TUBGCP3: variants seen among roughly 807,000 people sequenced by gnomAD.
The protein encoded by TUBGCP3 is gamma-tubulin complex component 3.
TUBGCP3 carries 50 observed loss-of-function variants against 123.1 expected under a neutral mutation model. The ratio of observed to expected loss-of-function variants is 0.41; its 90% CI spans 0.32 to 0.51. The LOEUF (loss-of-function observed/expected upper bound fraction) is 0.51. Ranked by LOEUF, TUBGCP3 falls within the 20% of genes least tolerant of loss-of-function variation. The probability of loss-of-function intolerance (pLI) is 0.36; values close to 1 mark genes in which losing one functional copy is unlikely to be tolerated. For missense variants in TUBGCP3, 882 were observed against 1,127.0 expected (o/e 0.78, Z 3.11); for synonymous variants, 405 against 413.9 (o/e 0.98, Z 0.26).
At chr13:112,543,989 A>G (rs1029788114) in intron 11 of TUBGCP3, among the ~76,000 whole-genome samples, 2 of 152,116 alleles carry the variant, frequency 1.3e-5, no homozygotes, top group African/African-American at 2.4e-5. Flanking sequence ...GCAAATAAAC[A>G]CCCCAGTGAG....
intron 1 of TUBGCP3, among the ~76,000 whole-genome samples, chr13:112,573,751 C>T (rs55653852): frequency 0.099 from 15,098 of 152,246 alleles, 971 homozygotes; most frequent in African/African-American, 0.18. Context: ...GCCTGTCTGC[C>T]CAACTTCTAT....
intron 13 of TUBGCP3, among the ~76,000 whole-genome samples, chr13:112,523,137 A>G (rs1876761228): frequency 6.6e-6 from 1 of 152,262 alleles, no homozygotes. Context: ...TTACATCTGC[A>G]AAGCACAAAA....
chr13:112,550,862 G>A (rs1257560609), intron 8 of TUBGCP3, among the ~76,000 whole-genome samples: 1 of 152,202 alleles, frequency 6.6e-6, no homozygotes, highest in Non-Finnish European at 1.5e-5. Context: ...ACTTTGGGAG[G>A]CCAAGGCGGG....
intron 3 of TUBGCP3, among the ~76,000 whole-genome samples, chr13:112,562,105 C>CTAGGGAACACCACCAGCCAGGACCCAA (rs1419075286): frequency 1.3e-5 from 2 of 150,800 alleles, no homozygotes; most frequent in East Asian, 2.0e-4. Context: ...CCAGGACCCA[C>CTAGGGAACACCACCAGCCAGGACCCAA]TAGGGAACAC....
chr13:112,586,162 C>T (rs913849116), intron 1 of TUBGCP3, among the ~76,000 whole-genome samples: 1 of 151,614 alleles, frequency 6.6e-6, no homozygotes, highest in African/African-American at 2.4e-5. Flanking sequence ...TGGCATGAAC[C>T]CGGAAGGTAG....
At position 112,545,783 on chromosome 13, in the gene TUBGCP3, G is replaced by A; in HGVS notation, c.1251C>T (p.His417=). ...CAGGATGAGACACGAGGCTGAGGAT[G>A]TGCTGCACCAGAGACCGCATGTACG... ...GDPYMRSLVQ[H]ILSLVSHPVL... Residue 417 remains histidine, a synonymous_variant, in exon 11 of 22, where the codon CAC becomes CAT. Transcript: ENST00000261965. This position sits in a 1 kb window ranked among gnomAD's most constrained non-coding sequence, Gnocchi z 4.1. The A allele has an allele frequency of 3.7e-6, 6 of 1,614,194 alleles. No homozygotes were observed. The highest frequency in any genetic ancestry group is 5.1e-6 in the Non-Finnish European group (6 of 1,180,032).
At chr13:112,604,078 A>G in the TUBGCP3 span, 7 of 152,190 alleles carry the variant, frequency 4.6e-5, no homozygotes, top group Non-Finnish European at 1.0e-4. Flanking sequence ...GTTAATGGTG[A>G]ACTCATAGAA....
At chr13:112,587,860 C>T (rs1201706444) in intron 1 of TUBGCP3, 45 bp downstream of exon 1, 2 of 1,524,580 alleles carry the variant, frequency 1.3e-6, no homozygotes, top group Admixed American at 3.8e-5. Context: ...CAGGGAGCAG[C>T]CCCCGGGACG....
intron 11 of TUBGCP3, among the ~76,000 whole-genome samples, chr13:112,528,729 T>A (rs917240384): frequency 6.6e-6 from 1 of 152,232 alleles, no homozygotes; most frequent in African/African-American, 2.4e-5. Flanking sequence ...TAGATAAATG[T>A]CAGTCTTCCT....
In TUBGCP3 at chr13:112,519,152, C is replaced by A; in HGVS notation, c.1882-109G>T. On this transcript the variant is annotated intron_variant, in intron 15 of 21. Transcript: ENST00000261965. This position sits in a 1 kb window ranked among gnomAD's most constrained non-coding sequence, Gnocchi z 6.2. Reference sequence around the variant, plus strand: ...TAATGCCCAATTGTTAAAAACTGCTCAACAGTTCTGAGTGCATCTTCTTGT... The same window carrying A: ...TAATGCCCAATTGTTAAAAACTGCTAAACAGTTCTGAGTGCATCTTCTTGT... 1.2e-6 allele frequency: 1 copy of A among 855,514 alleles called. No homozygotes were observed. Among genetic ancestry groups the A allele is most frequent in the South Asian group, 1.4e-5 (1 of 69,298 alleles). 53.0% of individuals were successfully genotyped at this position (855,514 alleles called of 1,614,324 possible).
upstream of TUBGCP3, among the ~76,000 whole-genome samples, chr13:112,592,170 T>C (rs79207922): frequency 0.026 from 3,891 of 152,288 alleles, 83 homozygotes; most frequent in Middle Eastern, 0.058. The surrounding 1 kb of genome is among the most constrained non-coding windows in gnomAD (Gnocchi z 4.1). Context: ...TGCCTGGACA[T>C]AGGATGGAAT....
chr13:112,564,023 A>C (rs1234381903), intron 3 of TUBGCP3, among the ~76,000 whole-genome samples: 1 of 152,206 alleles, frequency 6.6e-6, no homozygotes, highest in African/African-American at 2.4e-5. Flanking sequence ...AAATCTTTTT[A>C]ACATACAGTG....
At chr13:112,588,579 C>G (rs1451922556), upstream of TUBGCP3, among the ~76,000 whole-genome samples, 1 of 152,172 alleles carries the variant, frequency 6.6e-6, no homozygotes, top group African/African-American at 2.4e-5. Flanking sequence ...TGCTCAGGCC[C>G]GACCTCGCAC....
At position 112,524,222 on chromosome 13, in the gene TUBGCP3, G is replaced by A. The variant is rs756944440; in HGVS notation, c.1556-1713C>T. ...CTCTAAATTACTTATAATATCTAGC[G>A]CAATGTACATGCTATGCAAATAGCT... On this transcript the variant is annotated intron_variant, in intron 13 of 21. Transcript: ENST00000261965. The surrounding 1 kb of genome is among the most constrained non-coding windows in gnomAD (Gnocchi z 4.4). Among the ~76,000 whole-genome samples, 4 of 152,278 alleles carry A rather than the reference G, an allele frequency of 2.6e-5. No individual in the cohort carries two copies. Among genetic ancestry groups the A allele is most frequent in the South Asian group, 2.1e-4 (1 of 4,820 alleles).
chr13:112,487,212 C>T (rs749125927), intron 21 of TUBGCP3, among the ~76,000 whole-genome samples: 5 of 152,078 alleles, frequency 3.3e-5, no homozygotes, highest in Non-Finnish European at 7.3e-5. Context: ...TGAAATACAA[C>T]GGTCTGTGGA....
chr13:112,565,934 CAA>C (rs201734900), intron 2 of TUBGCP3, among the ~76,000 whole-genome samples: 22,714 of 111,196 alleles, frequency 0.2, 1,817 homozygotes, highest in East Asian at 0.28. Context: ...GACTCTGTCT[CAA>C]AAAAAAAAAA....
In TUBGCP3 at chr13:112,558,380, A is replaced by G. The variant is rs1197456216; in HGVS notation, c.364T>C (p.Leu122=). The G allele has an allele frequency of 6.3e-7, 1 of 1,591,138 alleles. No individual in the cohort carries two copies. Among genetic ancestry groups the G allele is most frequent in the Non-Finnish European group, 8.6e-7 (1 of 1,162,090 alleles). The change falls in exon 5 of 22, where the codon TTA becomes CTA. Residue 122 remains leucine (L), a synonymous_variant. Coordinates refer to ENST00000261965, the MANE Select transcript of TUBGCP3 (RefSeq NM_006322.6). ...SSYATLFAQA[L]PRDAHSTPYY... ...GGGGTTGAGTGGGCATCTCTTGGTAAGGCCTGAGCAAATAACGTAGCATAG... is the reference window on the plus strand; with the variant it reads ...GGGGTTGAGTGGGCATCTCTTGGTAGGGCCTGAGCAAATAACGTAGCATAG...
chr13:112,515,103 TTA>T (rs1226154941), intron 17 of TUBGCP3, among the ~76,000 whole-genome samples: 2 of 152,106 alleles, frequency 1.3e-5, no homozygotes, highest in African/African-American at 4.8e-5. Context: ...ATCAAAAAAT[TTA>T]TTAGTTATCT....
At position 112,558,256 on chromosome 13, in the gene TUBGCP3, CTGA is replaced by C. The variant is rs1308271708; in HGVS notation, c.485_487del (p.Ile162del). 6.2e-7 allele frequency: 1 copy of C among 1,612,744 alleles called. No homozygotes were observed. Among genetic ancestry groups the C allele is most frequent in the Admixed American group, 1.7e-5 (1 of 60,032 alleles). ...ACTGAGGGCACACAGGCCAATGCTG[CTGA>C]TGCCACTGCTGCCCACGCTGCCGGA... is the stretch of plus-strand genomic sequence containing the variant. On this transcript the variant is annotated inframe_deletion, in exon 5 of 22. Coordinates refer to ENST00000261965, the MANE Select transcript of TUBGCP3 (RefSeq NM_006322.6).
Sources: allele counts gnomAD v4.1 joint callset (sites outside exome capture counted in the v4.1 genomes callset), GRCh38; gene constraint gnomAD v4.1.1; non-coding constraint Gnocchi (gnomAD v3.1); transcripts MANE v1.5; gene names NCBI Gene and HGNC (gene_info 2026-07-23, HGNC 2026-07-21).